The following RBFOX1 variants were observed in gnomAD, a reference collection of about 807,000 sequenced individuals.
RBFOX1 encodes the protein RNA binding fox-1 homolog 1.
Under a neutral mutation model 57.7 loss-of-function variants are expected in RBFOX1, and 8 were observed. The ratio of observed to expected loss-of-function variants is 0.14; its 90% CI spans 0.08 to 0.25. The LOEUF (loss-of-function observed/expected upper bound fraction) is 0.25, where lower values mean the gene tolerates loss of function less well. RBFOX1 is among the 10% of genes least tolerant of loss of function. RBFOX1 has a pLI of 1.00. For missense variants in RBFOX1, 611 were observed against 548.5 expected (o/e 1.11, Z -1.14); for synonymous variants, 326 against 222.4 (o/e 1.47, Z -4.15).
At chr16:5,322,320 C>A (rs11866857) in intron 1 of RBFOX1, among the ~76,000 whole-genome samples, 4 of 152,170 alleles carry the variant, frequency 2.6e-5, no homozygotes, top group African/African-American at 9.7e-5. Context: ...CTCACTCAAC[C>A]TGCCTGCTCC....
intron 4 of RBFOX1, among the ~76,000 whole-genome samples, chr16:7,123,609 C>T (rs1476964264): frequency 6.6e-6 from 1 of 152,128 alleles, no homozygotes; most frequent in African/African-American, 2.4e-5. Context: ...AAGCAATCCT[C>T]CTGCCTCAAC....
At chr16:5,501,652 C>T (rs141851825) in intron 2 of RBFOX1, among the ~76,000 whole-genome samples, 112 of 152,198 alleles carry the variant, frequency 7.4e-4, no homozygotes, top group African/African-American at 2.6e-3. Context: ...GAGATGATGC[C>T]GTCAAATCTC....
At chr16:5,470,916 A>G (rs572328856) in intron 2 of RBFOX1, among the ~76,000 whole-genome samples, 1 of 152,176 alleles carries the variant, frequency 6.6e-6, no homozygotes, top group East Asian at 1.9e-4. Context: ...CAGTGGTGCG[A>G]TCTCAGCTCA....
chr16:6,106,303 CA>C (rs113404765), intron 1 of RBFOX1, among the ~76,000 whole-genome samples: 14 of 150,336 alleles, frequency 9.3e-5, no homozygotes, highest in South Asian at 2.1e-4. Flanking sequence ...AGTAAAAATA[CA>C]AAAAAAATTA....
chr16:5,346,791 G>C (rs768220225), intron 1 of RBFOX1, among the ~76,000 whole-genome samples: 2 of 152,156 alleles, frequency 1.3e-5, no homozygotes, highest in South Asian at 4.1e-4. Flanking sequence ...TCCCAGCTCT[G>C]TAGTCAAGTG....
chr16:5,642,386 A>G (rs1039478904), intron 3 of RBFOX1, among the ~76,000 whole-genome samples: 11 of 152,196 alleles, frequency 7.2e-5, no homozygotes, highest in African/African-American at 2.7e-4. Context: ...CCAGGTTGAT[A>G]CGTCTTAAAA....
chr16:7,232,509 T>C lies in RBFOX1; in HGVS notation c.27+180411T>C, dbSNP rs191366176. Among the ~76,000 whole-genome samples the C allele has an allele frequency of 1.7e-4, 26 of 152,234 alleles. No homozygotes were observed. In the East Asian group the frequency reaches 4.9e-3, roughly 28 times the overall value. ...CTCCCCACACACATATGCCCACTTG[T>C]ACCCACGTAATTCTTATTTAATGGT... On this transcript the variant is annotated intron_variant, in intron 4 of 15. Transcript: ENST00000550418.
intron 2 of RBFOX1, among the ~76,000 whole-genome samples, chr16:6,342,803 A>T (rs1172999153): frequency 1.3e-5 from 2 of 152,198 alleles, no homozygotes; most frequent in Admixed American, 6.5e-5. Flanking sequence ...TGCCACTCAC[A>T]AGCTCGTCTA....
chr16:7,704,198 G>T (rs183937331), intron 14 of RBFOX1, among the ~76,000 whole-genome samples: 6 of 152,196 alleles, frequency 3.9e-5, no homozygotes, highest in African/African-American at 1.2e-4. Flanking sequence ...CCAAGCCCTC[G>T]GGTTGCTTCC....
chr16:7,698,186 GTGTGTGTGTGT>G (rs2079419538), intron 14 of RBFOX1, among the ~76,000 whole-genome samples: 2 of 103,272 alleles, frequency 1.9e-5, no homozygotes, highest in African/African-American at 3.9e-5. Context: ...CCAAGAGGGT[GTGTGTGTGTGT>G]GTGTGTGTGT....
At chr16:7,366,481 C>G (rs75248220) in intron 4 of RBFOX1, among the ~76,000 whole-genome samples, 2,388 of 152,174 alleles carry the variant, frequency 0.016, 62 homozygotes, top group African/African-American at 0.054. Flanking sequence ...AATTGATAAA[C>G]CCTCCAGGAC....
At position 5,662,389 on chromosome 16, in the gene RBFOX1, A is replaced by G. The variant is rs189881451; in HGVS notation, c.318+63428A>G. 6.1e-3 allele frequency among the ~76,000 whole-genome samples: 930 copies of G among 152,328 alleles called. 9 individuals carry two copies. The highest frequency in any genetic ancestry group is 0.01 in the Non-Finnish European group (685 of 68,034). On this transcript the variant is annotated intron_variant, in intron 3 of 19. Transcript: ENST00000641259. ...CTAAAATGCAGGGTTACCTGACCAC[A>G]TAATCTATTATGTGTGAAAGTGCCA... is the stretch of plus-strand genomic sequence containing the variant.
intron 2 of RBFOX1, among the ~76,000 whole-genome samples, chr16:6,346,658 G>A (rs565302771): frequency 6.6e-6 from 1 of 152,290 alleles, no homozygotes; most frequent in South Asian, 2.1e-4. Context: ...ATTAAACTCT[G>A]TTAGATTTAA....
At chr16:5,898,927 G>T (rs912891921) in intron 4 of RBFOX1, among the ~76,000 whole-genome samples, 1 of 151,340 alleles carries the variant, frequency 6.6e-6, no homozygotes, top group African/African-American at 2.4e-5. Flanking sequence ...GCCGGGTGTG[G>T]TGTCATTTGC....
chr16:5,472,165 G>C (rs1448529605), intron 2 of RBFOX1, among the ~76,000 whole-genome samples: 1 of 152,122 alleles, frequency 6.6e-6, no homozygotes, highest in Admixed American at 6.5e-5. Flanking sequence ...AGCATCACCA[G>C]GGAGCATAAT....
At chr16:7,545,831 A>G (rs2084314877) in intron 5 of RBFOX1, among the ~76,000 whole-genome samples, 1 of 152,090 alleles carries the variant, frequency 6.6e-6, no homozygotes, top group South Asian at 2.1e-4. Flanking sequence ...TCATCAAGTC[A>G]CAGACATCCT....
chr16:5,716,214 A>G (rs76212327), intron 3 of RBFOX1, among the ~76,000 whole-genome samples: 1 of 152,180 alleles, frequency 6.6e-6, no homozygotes, highest in African/African-American at 2.4e-5. Flanking sequence ...TTGGCGTGAA[A>G]GTAATTTTTT....
In RBFOX1 at chr16:5,993,480, C is replaced by T. The variant is rs563745022; in HGVS notation, c.351+126145C>T. Among the ~76,000 whole-genome samples, 71 of 152,070 alleles carry T rather than the reference C, an allele frequency of 4.7e-4. 1 individual carries two copies. Among genetic ancestry groups the T allele is most frequent in the African/African-American group, 1.4e-3 (59 of 41,482 alleles). ...TTTTGTATGAAGCTCTCAGTAAACACATCTGGTGAAGGAGGCAGAAAATAC... is the reference window on the plus strand; with the variant it reads ...TTTTGTATGAAGCTCTCAGTAAACATATCTGGTGAAGGAGGCAGAAAATAC... On this transcript the variant is annotated intron_variant, in intron 4 of 19. Coordinates refer to the RBFOX1 transcript ENST00000641259.
intron 4 of RBFOX1, among the ~76,000 whole-genome samples, chr16:7,295,752 T>C (rs971583104): frequency 2.6e-5 from 4 of 152,026 alleles, no homozygotes; most frequent in African/African-American, 9.7e-5. Flanking sequence ...AGTTCCCAAA[T>C]ACCCCATCGC....
Sources: gnomAD v4.1 joint callset for allele counts (sites outside exome capture counted in the v4.1 genomes callset) on GRCh38, gnomAD v4.1.1 for gene constraint, MANE v1.5 for transcripts, NCBI Gene and HGNC (gene_info 2026-07-23, HGNC 2026-07-21) for gene names.